Variants in IGF1R observed in about 807,000 individuals in gnomAD.
IGF1R encodes the protein insulin like growth factor 1 receptor, also known as insulin-like growth factor 1 receptor.
IGF1R carries 44 observed loss-of-function variants against 144.6 expected under a neutral mutation model. That is an observed-to-expected ratio of 0.30 (90% CI 0.24 to 0.39). IGF1R has a LOEUF of 0.39. Ranked by LOEUF, IGF1R falls within the 10% of genes least tolerant of loss-of-function variation. The pLI, the probability that IGF1R is intolerant of heterozygous loss-of-function variation, is 1.00. For synonymous variants in IGF1R, 795 were observed against 722.8 expected, an observed-to-expected ratio of 1.10 and a Z score of -1.60; for missense variants, 1,355 against 1,833.7, an observed-to-expected ratio of 0.74 and a Z score of 4.77.
intron 2 of IGF1R, among the ~76,000 whole-genome samples, chr15:98,724,179 C>A (rs190134367): frequency 2.0e-5 from 3 of 152,296 alleles, no homozygotes; most frequent in Admixed American, 6.5e-5. Context: ...TTAACTTTTT[C>A]TATTGTGTGC....
At position 98,859,174 on chromosome 15, in the gene IGF1R, A is replaced by G. The variant is rs552871317; in HGVS notation, c.641-32151A>G. Among the ~76,000 whole-genome samples, 3 of 152,322 alleles carry G rather than the reference A, an allele frequency of 2.0e-5. No individual in the cohort carries two copies. In the East Asian group the frequency reaches 5.8e-4, roughly 29 times the overall value. On this transcript the variant is annotated intron_variant, in intron 2 of 20. Coordinates refer to ENST00000650285, the MANE Select transcript of IGF1R (RefSeq NM_000875.5). ...ATCATTGCAGTTACAAAGCCCATGT[A>G]TATTGAGATCGGTGTAAAAATTCAG...
At chr15:98,658,295 T>G (rs1048153207) in intron 1 of IGF1R, among the ~76,000 whole-genome samples, 1 of 152,212 alleles carries the variant, frequency 6.6e-6, no homozygotes, top group Admixed American at 6.5e-5. Flanking sequence ...AAAGTGCCGC[T>G]TAAGAACACA....
At chr15:98,855,100 C>T (rs1481228731) in intron 2 of IGF1R, among the ~76,000 whole-genome samples, 1 of 152,236 alleles carries the variant, frequency 6.6e-6, no homozygotes, top group African/African-American at 2.4e-5. Context: ...ATCTTGCCTT[C>T]CGCGCTAATG....
chr15:98,846,925 G>A (rs548619156), intron 2 of IGF1R, among the ~76,000 whole-genome samples: 2 of 152,210 alleles, frequency 1.3e-5, no homozygotes, highest in Non-Finnish European at 2.9e-5. Flanking sequence ...GGAATATAGT[G>A]TATGGCTGCC....
rs555064225 is a variant in IGF1R, at chr15:98,844,481, A to G, written c.641-46844A>G. ...TTTGGGGTAGGGGGCGTGTCATGCC[A>G]TACAGCTAAATACACTTTTTTCCTA... On this transcript the variant is annotated intron_variant, in intron 2 of 20. Transcript: ENST00000650285. Among the ~76,000 whole-genome samples the G allele has an allele frequency of 1.9e-4, 29 of 152,280 alleles. No homozygotes were observed. In the South Asian group the frequency reaches 4.6e-3, roughly 24 times the overall value.
At chr15:98,713,302 T>C (rs1175679532) in intron 2 of IGF1R, among the ~76,000 whole-genome samples, 1 of 152,184 alleles carries the variant, frequency 6.6e-6, no homozygotes, top group Non-Finnish European at 1.5e-5. Context: ...GTGAAGGATT[T>C]ATTGTTCGGA....
At chr15:98,663,403 C>G (rs748208404) in intron 1 of IGF1R, among the ~76,000 whole-genome samples, 1 of 152,148 alleles carries the variant, frequency 6.6e-6, no homozygotes, top group Non-Finnish European at 1.5e-5. Context: ...CAAAGTTCTC[C>G]GGAAACTGCA....
intron 1 of IGF1R, among the ~76,000 whole-genome samples, chr15:98,674,519 G>A (rs999310990): frequency 6.6e-5 from 10 of 152,208 alleles, no homozygotes; most frequent in African/African-American, 1.9e-4. Context: ...CAGCAATCAC[G>A]TGTACACATA....
intron 5 of IGF1R, among the ~76,000 whole-genome samples, chr15:98,906,265 A>C (rs2014727348): frequency 6.6e-6 from 1 of 152,198 alleles, no homozygotes; most frequent in Non-Finnish European, 1.5e-5. Context: ...TGCTAGTGAA[A>C]TTAGTTTATG....
chr15:98,791,946 A>C (rs139940445), intron 2 of IGF1R, among the ~76,000 whole-genome samples: 1 of 152,324 alleles, frequency 6.6e-6, no homozygotes, highest in African/African-American at 2.4e-5. Flanking sequence ...CCTCCAGTAC[A>C]CAATCTAGCT....
intron 2 of IGF1R, among the ~76,000 whole-genome samples, chr15:98,762,606 T>G (rs984887600): frequency 4.0e-5 from 6 of 151,798 alleles, no homozygotes; most frequent in African/African-American, 1.5e-4. Context: ...CACGTGCCTG[T>G]AATCCCAGTT....
rs1428974293 is a variant in IGF1R, at chr15:98,745,033, G to A, written c.640+36926G>A. Among the ~76,000 whole-genome samples, 4 of 152,214 alleles carry A rather than the reference G, an allele frequency of 2.6e-5. No individual in the cohort carries two copies. The South Asian group carries it at 8.3e-4, about 32-fold the overall frequency. On this transcript the variant is annotated intron_variant, in intron 2 of 20. Transcript: ENST00000650285. ...GGAGGTCTGGGAGTAACTCTCTTAT[G>A]ACTTTTTTAGCCTAGTAGAATTGAA...
chr15:98,849,650 C>G (rs1384101317), intron 2 of IGF1R, among the ~76,000 whole-genome samples: 6 of 152,164 alleles, frequency 3.9e-5, no homozygotes, highest in Non-Finnish European at 4.4e-5. Context: ...TCTGAAACTT[C>G]TATCACAAAG....
chr15:98,765,629 A>G (rs2055418593), intron 2 of IGF1R, among the ~76,000 whole-genome samples: 4 of 152,094 alleles, frequency 2.6e-5, no homozygotes, highest in African/African-American at 9.7e-5. Flanking sequence ...TGGCCATGCC[A>G]ACAATAATTA....
chr15:98,770,792 G>T (rs767945695), intron 2 of IGF1R, among the ~76,000 whole-genome samples: 9 of 152,182 alleles, frequency 5.9e-5, no homozygotes, highest in South Asian at 2.1e-4. Context: ...TGCCGGCAGG[G>T]ATCTAAGTTG....
chr15:98,921,633 C>T (rs545114951), intron 10 of IGF1R, among the ~76,000 whole-genome samples: 1 of 152,202 alleles, frequency 6.6e-6, no homozygotes, highest in East Asian at 1.9e-4. Context: ...TGCTGCTAGA[C>T]TCCAGGCATC....
chr15:98,674,374 TAG>T (rs928839332), intron 1 of IGF1R, among the ~76,000 whole-genome samples: 1 of 152,182 alleles, frequency 6.6e-6, no homozygotes, highest in East Asian at 1.9e-4. Flanking sequence ...TGGAGGTCCT[TAG>T]AGTTCCAAGA....
At chr15:98,710,391 T>G (rs1326024856) in intron 2 of IGF1R, among the ~76,000 whole-genome samples, 1 of 152,180 alleles carries the variant, frequency 6.6e-6, no homozygotes, top group Non-Finnish European at 1.5e-5. Flanking sequence ...CCTCTTGGTT[T>G]GCGTAGATTC....
At chr15:98,789,450 G>C (rs1276883505) in intron 2 of IGF1R, among the ~76,000 whole-genome samples, 6 of 152,302 alleles carry the variant, frequency 3.9e-5, no homozygotes, top group Non-Finnish European at 4.4e-5. Flanking sequence ...TTGCTTCTGT[G>C]ATCAAGGTCT....
Sources: gnomAD v4.1 joint callset for allele counts (sites outside exome capture counted in the v4.1 genomes callset) on GRCh38, gnomAD v4.1.1 for gene constraint, MANE v1.5 for transcripts, NCBI Gene and HGNC (gene_info 2026-07-23, HGNC 2026-07-21) for gene names.